ZPR1: variants seen among roughly 807,000 people sequenced by gnomAD.
ZPR1 encodes the protein ZPR1 zinc finger.
ZPR1 carries 37 observed loss-of-function variants against 59.6 expected under a neutral mutation model. The ratio of observed to expected loss-of-function variants is 0.62; its 90% confidence interval spans 0.48 to 0.82. The LOEUF is 0.82. Among genes scored for constraint, ZPR1 ranks in the 40% least tolerant of loss-of-function variants. ZPR1 has a pLI of 0.00. For synonymous variants in ZPR1, 191 were observed against 215.2 expected (o/e 0.89, Z 0.99); for missense variants, 527 against 579.9 (o/e 0.91, Z 0.94).
At chr11:116,785,712 G>A (rs1021730957) in intron 5 of ZPR1, 76 bp from the exon 6 acceptor site, 11 of 1,611,656 alleles carry the variant, frequency 6.8e-6, no homozygotes, top group African/African-American at 5.3e-5. Flanking sequence ...ATCAGACCAC[G>A]CAGGCATCAC....
intron 10 of ZPR1, among the ~76,000 whole-genome samples, chr11:116,783,236 C>T (rs1323100976): frequency 1.3e-5 from 2 of 152,142 alleles, no homozygotes; most frequent in Non-Finnish European, 2.9e-5. Context: ...GAAACTCAGT[C>T]ATAGCTTCGA....
At chr11:116,783,370 A>C (rs7926960) in intron 10 of ZPR1, among the ~76,000 whole-genome samples, 160 bp downstream of exon 10, 2,156 of 152,296 alleles carry the variant, frequency 0.014, 46 homozygotes, top group African/African-American at 0.048. Context: ...CTGCAATTCC[A>C]ATCTTAGATT....
intron 13 of ZPR1, 45 bp from the exon 14 acceptor site, chr11:116,779,104 C>G (rs773435093): frequency 7.5e-6 from 12 of 1,606,012 alleles, no homozygotes; most frequent in Middle Eastern, 1.7e-4. Flanking sequence ...TGCCACTCCC[C>G]CTCTCTGCAG....
At position 116,784,762 on chromosome 11, in the gene ZPR1, A is replaced by G; in HGVS notation, c.820+93T>C. ...TCTTCCTTATCACTGGGTATAAAGC[A>G]TGTGTTTTCCTTGAAAGGGATGCTC... On this transcript the variant is annotated intron_variant, in intron 8 of 13. Transcript: ENST00000227322. 2.4e-6 allele frequency: 3 copies of G among 1,272,816 alleles called. 1 individual carries two copies. In the South Asian group the frequency reaches 3.7e-5, roughly 16 times the overall value. The allele number at this position is 1,272,816 out of a possible 1,614,324, so 78.8% of individuals were successfully genotyped here. A position where few individuals can be genotyped will look rare whatever the true frequency, so the allele number is the denominator to read the frequency against.
chr11:116,774,684 G>C lies in ZPR1; in HGVS notation c.*4241C>G, dbSNP rs907659523. On this transcript the variant is annotated 3_prime_UTR_variant, in exon 14 of 14. Coordinates refer to ENST00000227322, the MANE Select transcript of ZPR1 (RefSeq NM_003904.5). ...AGGCTGGGGCTCTGAGGGCTTGTGA[G>C]ACGAGGACGCTGGGCTGAGAAGATA... The C allele has an allele frequency of 7.9e-5, 12 of 152,276 alleles. No individual in the cohort carries two copies. Among genetic ancestry groups the C allele is most frequent in the African/African-American group, 2.7e-4 (11 of 41,436 alleles). The allele number at this position is 152,276 out of a possible 1,614,324, so 9.4% of individuals were successfully genotyped here.
rs552520231 is a variant in ZPR1 at position 116,784,586 on chromosome 11, C to T, written c.821-138G>A. On this transcript the variant is annotated intron_variant, in intron 8 of 13. Transcript: ENST00000227322. ...TTCACAAGAGGCAGCCCACAGAGTCCTCCAGAAGAGGGCAAGTTCCCAACC... is the reference window on the plus strand; with the variant it reads ...TTCACAAGAGGCAGCCCACAGAGTCTTCCAGAAGAGGGCAAGTTCCCAACC... The T allele has an allele frequency of 2.2e-5, 21 of 945,922 alleles. 1 individual carries two copies. In the Admixed American group the frequency reaches 4.1e-4, roughly 19 times the overall value. The allele number at this position is 945,922 out of a possible 1,614,324, so 58.6% of individuals were successfully genotyped here.
In ZPR1 at chr11:116,787,865, C is replaced by T; in HGVS notation, c.126G>A (p.Gln42=). ...ATAGCGACTCGATCTCGGTGGGCTGCTGCTCCTCGTCCTCGGCGCTGATGG... is the reference window on the plus strand; with the variant it reads ...ATAGCGACTCGATCTCGGTGGGCTGTTGCTCCTCGTCCTCGGCGCTGATGG... ...FRPISAEDEE[Q]QPTEIESLCM... is the part of the protein sequence containing the mutation. Residue 42 remains glutamine, a synonymous_variant, in exon 1 of 14, where the codon CAG becomes CAA. Transcript: ENST00000227322. 6.4e-7 allele frequency: 1 copy of T among 1,553,036 alleles called. No homozygotes were observed. The highest frequency in any genetic ancestry group is 8.7e-7 in the Non-Finnish European group (1 of 1,150,728).
chr11:116,775,712 T>C lies in ZPR1; in HGVS notation c.*3213A>G, dbSNP rs1344831684. 6.2e-6 allele frequency: 1 copy of C among 160,934 alleles called. No homozygotes were observed. The highest frequency in any genetic ancestry group is 1.5e-5 in the Non-Finnish European group (1 of 66,624). 10.0% of individuals were successfully genotyped at this position (160,934 alleles called of 1,614,324 possible). ...CTCTCTGAGGCTGTTTTGTCACCTGTAAAATGGGGATAATTTTGTTTATCC... is the reference window on the plus strand; with the variant it reads ...CTCTCTGAGGCTGTTTTGTCACCTGCAAAATGGGGATAATTTTGTTTATCC... On this transcript the variant is annotated 3_prime_UTR_variant, in exon 14 of 14. Transcript: ENST00000227322.
chr11:116,787,711 G>A, intron 1 of ZPR1, 68 bp from the exon 2 acceptor site: 2 of 1,555,304 alleles, frequency 1.3e-6, no homozygotes, highest in South Asian at 1.2e-5. Flanking sequence ...TACTATCTCC[G>A]GGCGCTCCTC....
rs1185638855 is a variant in ZPR1 at position 116,779,680 on chromosome 11, A to G, written c.1245+92T>C. The G allele has an allele frequency of 6.3e-6, 6 of 956,850 alleles. No individual in the cohort carries two copies. The African/African-American group carries it at 8.2e-5, about 13-fold the overall frequency. The allele number at this position is 956,850 out of a possible 1,614,324, so 59.3% of individuals were successfully genotyped here. A position where few individuals can be genotyped will look rare whatever the true frequency, so the allele number is the denominator to read the frequency against. On this transcript the variant is annotated intron_variant, in intron 13 of 13. Coordinates refer to ENST00000227322, the MANE Select transcript of ZPR1 (RefSeq NM_003904.5). ...CCTTGGTAAAAAGCAGTCCATTTAG[A>G]ATCAAGTCTTTCAGTTTCTAGGGAA...
chr11:116,787,693 C>G, intron 1 of ZPR1, 50 bp from the exon 2 acceptor site: 1 of 1,581,392 alleles, frequency 6.3e-7, no homozygotes, highest in Non-Finnish European at 8.6e-7. Context: ...AACTCCCTTT[C>G]CCCGCCCTAC....
intron 10 of ZPR1, 95 bp downstream of exon 10, chr11:116,783,435 C>A (rs1370158698): frequency 3.7e-6 from 4 of 1,086,188 alleles, no homozygotes; most frequent in Non-Finnish European, 5.6e-6. Context: ...TACCTCATGT[C>A]CCTGAACATT....
rs771895390 is a variant in ZPR1 at position 116,779,077 on chromosome 11, G to A, written c.1246-18C>T. The A allele has an allele frequency of 6.8e-6, 11 of 1,613,026 alleles. No homozygotes were observed. The African/African-American group carries it at 1.3e-4, about 20-fold the overall frequency. On this transcript the variant is annotated intron_variant, in intron 13 of 13. Transcript: ENST00000227322. ...TACACATTCTGCAAGGTCAAGGAGA[G>A]ACAATCAGTGCCGCTGTGCCACTCC...
intron 13 of ZPR1, 57 bp from the exon 14 acceptor site, chr11:116,779,116 C>A: frequency 6.3e-7 from 1 of 1,595,594 alleles, no homozygotes; most frequent in Non-Finnish European, 8.5e-7. Context: ...TCTCTGCAGG[C>A]AGCTTCCAAT....
At position 116,782,166 on chromosome 11, in the gene ZPR1, T is replaced by A; in HGVS notation, c.1171A>T (p.Met391Leu). 1 of 1,614,106 alleles carries A rather than the reference T, an allele frequency of 6.2e-7. No individual in the cohort carries two copies. Among genetic ancestry groups the A allele is most frequent in the African/African-American group, 1.3e-5 (1 of 75,048 alleles). ...TERLQEFSQK[M>L]DQIIEGNMKA... Reference sequence around the variant, plus strand: ...GGCCAGTGACCTCTTACCTGGTCCATCTTCTGGCTAAACTCCTGTAGTCTC... The same window carrying A: ...GGCCAGTGACCTCTTACCTGGTCCAACTTCTGGCTAAACTCCTGTAGTCTC... The change falls in exon 12 of 14, where the codon ATG becomes TTG. Residue 391 changes from methionine to leucine, a missense_variant. Coordinates refer to ENST00000227322, the MANE Select transcript of ZPR1 (RefSeq NM_003904.5).
chr11:116,776,764 T>C lies in ZPR1; in HGVS notation c.*2161A>G, dbSNP rs1353277043. 6.6e-6 allele frequency: 1 copy of C among 152,086 alleles called. No homozygotes were observed. Among genetic ancestry groups the C allele is most frequent in the East Asian group, 1.9e-4 (1 of 5,192 alleles). The allele number at this position is 152,086 out of a possible 1,614,324, so 9.4% of individuals were successfully genotyped here. A position where few individuals can be genotyped will look rare whatever the true frequency, so the allele number is the denominator to read the frequency against. ...ATTTTTTTTCCTTCACAATGGAAAA[T>C]GAACCTGATACTGCAGTTTATCTTA... On this transcript the variant is annotated 3_prime_UTR_variant, in exon 14 of 14. Coordinates refer to ENST00000227322, the MANE Select transcript of ZPR1 (RefSeq NM_003904.5).
At position 116,778,827 on chromosome 11, in the gene ZPR1, TG is replaced by T; in HGVS notation, c.*97del. 6.8e-7 allele frequency: 1 copy of T among 1,476,406 alleles called. No individual in the cohort carries two copies. The highest frequency in any genetic ancestry group is 9.1e-7 in the Non-Finnish European group (1 of 1,102,130). 91.5% of individuals were successfully genotyped at this position (1,476,406 alleles called of 1,614,324 possible). A position where few individuals can be genotyped will look rare whatever the true frequency, so the allele number is the denominator to read the frequency against. ...TGTCCTCCCCACCATGGGCAAGGGC[TG>T]GTGGGAAAGACACTCCCAGCCTTCG... On this transcript the variant is annotated 3_prime_UTR_variant, in exon 14 of 14. Transcript: ENST00000227322.
intron 7 of ZPR1, 64 bp from the exon 8 acceptor site, chr11:116,784,985 T>G: frequency 6.2e-7 from 1 of 1,606,768 alleles, no homozygotes; most frequent in Non-Finnish European, 8.5e-7. Context: ...CTAAAGACAC[T>G]CAGTTGGTAT....
At position 116,775,659 on chromosome 11, in the gene ZPR1, A is replaced by C. The variant is rs1370979275; in HGVS notation, c.*3266T>G. ...AAAAAAAAAAAAAAAAAAAAAAAAA[A>C]AAAGCTCTGCTTCCTTCTGGAAGTA... On this transcript the variant is annotated 3_prime_UTR_variant, in exon 14 of 14. Coordinates refer to ENST00000227322, the MANE Select transcript of ZPR1 (RefSeq NM_003904.5). 2 of 148,522 alleles carry C rather than the reference A, an allele frequency of 1.3e-5. No homozygotes were observed. The highest frequency in any genetic ancestry group is 1.6e-5 in the Non-Finnish European group (1 of 63,904). The allele number at this position is 148,522 out of a possible 1,614,324, so 9.2% of individuals were successfully genotyped here. A position where few individuals can be genotyped will look rare whatever the true frequency, so the allele number is the denominator to read the frequency against.
Sources: gnomAD v4.1 joint callset for allele counts (sites outside exome capture counted in the v4.1 genomes callset) on GRCh38, gnomAD v4.1.1 for gene constraint, MANE v1.5 for transcripts, NCBI Gene and HGNC (gene_info 2026-07-23, HGNC 2026-07-21) for gene names.